CAPN15: variants seen among roughly 807,000 people sequenced by gnomAD.
The protein encoded by CAPN15 is calpain 15, also known as calpain-15.
Under a neutral mutation model 97.9 loss-of-function variants are expected in CAPN15, and 53 were observed. The observed-to-expected ratio is 0.54, with a 90% CI of 0.43 to 0.68. The LOEUF is 0.68. Among genes scored for constraint, CAPN15 ranks in the 30% least tolerant of loss-of-function variants. CAPN15 has a pLI of 0.00. For missense variants in CAPN15, 1,592 were observed against 1,589.8 expected, an observed-to-expected ratio of 1.00 and a Z score of -0.02; for synonymous variants, 922 against 722.5, an observed-to-expected ratio of 1.28 and a Z score of -4.43.
At chr16:529,563 C>T (rs543556759) in intron 1 of CAPN15, among the ~76,000 whole-genome samples, 6 of 152,206 alleles carry the variant, frequency 3.9e-5, no homozygotes, top group Non-Finnish European at 5.9e-5. Flanking sequence ...TTCTGCTGCC[C>T]GGAAAATCCT....
intron 9 of CAPN15, 133 bp from the exon 10 acceptor site, chr16:551,918 G>C (rs953066736): frequency 1.8e-6 from 2 of 1,104,724 alleles, no homozygotes; most frequent in Non-Finnish European, 2.7e-6. Flanking sequence ...GCCCCCGGGG[G>C]CCGGGCTGCA....
intron 3 of CAPN15, among the ~76,000 whole-genome samples, chr16:545,582 A>T (rs2034530017): frequency 6.6e-6 from 1 of 152,152 alleles, no homozygotes; most frequent in Non-Finnish European, 1.5e-5. Flanking sequence ...TGCCAGGATG[A>T]CTCCGAAAGG....
At chr16:542,951 T>C (rs780123829) in intron 3 of CAPN15, among the ~76,000 whole-genome samples, 1 of 152,004 alleles carries the variant, frequency 6.6e-6, no homozygotes, top group Non-Finnish European at 1.5e-5. Context: ...CTAGGGAGGC[T>C]GAAGCAGGAG....
rs374615185 is a variant in CAPN15, at chr16:548,868, C to T, written c.1450-125C>T. ...CCGGCGCCAGGTCTGTGGCTGTCCA[C>T]GCTCCACCCGTCCCTTTGGGGCTCA... On this transcript the variant is annotated intron_variant, in intron 4 of 13. Transcript: ENST00000219611. The T allele has an allele frequency of 3.8e-5, 34 of 891,560 alleles. No homozygotes were observed. The East Asian group carries it at 4.5e-4, about 12-fold the overall frequency. The allele number at this position is 891,560 out of a possible 1,614,324, so 55.2% of individuals were successfully genotyped here.
intron 3 of CAPN15, among the ~76,000 whole-genome samples, chr16:536,380 C>G (rs1420930097): frequency 3.3e-5 from 5 of 152,102 alleles, no homozygotes; most frequent in Non-Finnish European, 7.4e-5. Flanking sequence ...GAGTCTTCCT[C>G]CTAAATGCAG....
rs141861277 is a variant in CAPN15 at position 543,362 on chromosome 16, G to A, written c.-22-3455G>A. The A allele has an allele frequency of 6.6e-3, 1,016 of 154,194 alleles. 5 individuals are homozygous for A. Among genetic ancestry groups the A allele is most frequent in the Non-Finnish European group, 0.011 (739 of 68,238 alleles). The allele number at this position is 154,194 out of a possible 1,614,324, so 9.6% of individuals were successfully genotyped here. A position where few individuals can be genotyped will look rare whatever the true frequency, so the allele number is the denominator to read the frequency against. On this transcript the variant is annotated intron_variant, in intron 3 of 13. Transcript: ENST00000219611. The stretch of plus-strand genomic sequence containing the variant: ...CTGGCCTGGGACTACCGGGGGTGGC[G>A]GCCGTGGCTCTGGCTATGGGGAGGG...
At chr16:533,508 G>T (rs1476184599) in intron 1 of CAPN15, among the ~76,000 whole-genome samples, 2 of 152,188 alleles carry the variant, frequency 1.3e-5, no homozygotes, top group East Asian at 3.9e-4. Flanking sequence ...GCCCAAGCTG[G>T]GCACCTTTCC....
intron 9 of CAPN15, 150 bp from the exon 10 acceptor site, chr16:551,901 G>T: frequency 2.0e-6 from 2 of 1,016,816 alleles, no homozygotes. Flanking sequence ...ATAGGCCTCA[G>T]GGATGGGCCC....
intron 3 of CAPN15, among the ~76,000 whole-genome samples, chr16:543,764 C>T (rs996419858): frequency 2.0e-5 from 3 of 152,324 alleles, no homozygotes; most frequent in East Asian, 3.9e-4. Context: ...CGACCCCTGC[C>T]GTGCTCCGAC....
intron 3 of CAPN15, chr16:543,516 C>G (rs2034303577): frequency 1.3e-5 from 2 of 152,776 alleles, no homozygotes; most frequent in Non-Finnish European, 2.9e-5. Flanking sequence ...TCTCTTTCAC[C>G]CTGGCCTCCT....
chr16:542,431 C>T (rs1041539818), intron 3 of CAPN15, among the ~76,000 whole-genome samples: 2 of 152,092 alleles, frequency 1.3e-5, no homozygotes, highest in African/African-American at 2.4e-5. Flanking sequence ...TCCACTCCCT[C>T]GACAGCTCCT....
intron 4 of CAPN15, 102 bp from the exon 5 acceptor site, chr16:548,891 T>C: frequency 2.8e-6 from 3 of 1,070,022 alleles, no homozygotes; most frequent in Non-Finnish European, 4.3e-6. Flanking sequence ...CCTTTGGGGC[T>C]CAGGCAGTGC....
At chr16:540,864 A>G (rs2034063988) in intron 3 of CAPN15, among the ~76,000 whole-genome samples, 1 of 152,112 alleles carries the variant, frequency 6.6e-6, no homozygotes, top group Non-Finnish European at 1.5e-5. Context: ...AGCTGCCATC[A>G]GGTTCTGAGG....
chr16:554,522 T>C lies in CAPN15; in HGVS notation c.*1006T>C. 1 of 456,192 alleles carries C rather than the reference T, an allele frequency of 2.2e-6. No homozygotes were observed. The highest frequency in any genetic ancestry group is 1.5e-5 in the South Asian group (1 of 64,568). 28.3% of individuals were successfully genotyped at this position (456,192 alleles called of 1,614,324 possible). ...TAACCCTGTAAATACGGCCAGCTCTTGTGACACAGAGACTATTTTATCAAT... is the reference window on the plus strand; with the variant it reads ...TAACCCTGTAAATACGGCCAGCTCTCGTGACACAGAGACTATTTTATCAAT... On this transcript the variant is annotated 3_prime_UTR_variant, in exon 14 of 14. Coordinates refer to ENST00000219611, the MANE Select transcript of CAPN15 (RefSeq NM_005632.3).
chr16:554,245 C>T lies in CAPN15; in HGVS notation c.*729C>T. 1 of 333,240 alleles carries T rather than the reference C, an allele frequency of 3.0e-6. No homozygotes were observed. The highest frequency in any genetic ancestry group is 3.9e-5 in the Admixed American group (1 of 25,722). 20.6% of individuals were successfully genotyped at this position (333,240 alleles called of 1,614,324 possible). On this transcript the variant is annotated 3_prime_UTR_variant, in exon 14 of 14. Coordinates refer to ENST00000219611, the MANE Select transcript of CAPN15 (RefSeq NM_005632.3). ...AACCCTGTCCCTCGGCCCGGCCCTG[C>T]CAGAGAGGGACCCCAGCACATCGTG... is the stretch of plus-strand genomic sequence containing the variant.
At position 547,590 on chromosome 16, in the gene CAPN15, T is replaced by G; in HGVS notation, c.752T>G (p.Val251Gly). The change falls in exon 4 of 14, where the codon GTT (valine) becomes GGT (glycine). Residue 251 changes from valine to glycine, a missense_variant. Val to Gly is a moderately radical substitution (Grantham distance 109). Around this residue, in one of 3 missense-constraint regions of CAPN15, gnomAD observed 883 missense variants for 776.6 expected, o/e 1.14. Transcript: ENST00000219611. Reference sequence around the variant, plus strand: ...CCCGTGCCGCGCAGCCGACGCGAGGTTCCCCCCCAGCTGCAGCCACCGGTG... The same window carrying G: ...CCCGTGCCGCGCAGCCGACGCGAGGGTCCCCCCCAGCTGCAGCCACCGGTG... ...NNPVPRSRRE[V>G]PPQLQPPVPE... 1 of 1,577,242 alleles carries G rather than the reference T, an allele frequency of 6.3e-7. No individual in the cohort carries two copies. The highest frequency in any genetic ancestry group is 8.6e-7 in the Non-Finnish European group (1 of 1,163,752).
Position 547,051 on chromosome 16 carries a change from G to C in CAPN15, c.213G>C (p.Pro71=). Residue 71 remains proline (P), a synonymous_variant, in exon 4 of 14, where the codon CCG becomes CCC. Coordinates refer to ENST00000219611, the MANE Select transcript of CAPN15 (RefSeq NM_005632.3). Reference sequence around the variant, plus strand: ...CCTGCGAGGTGTGCGGCTTCACCCCGGAGCCTGCGCCTGGGGCTGCCTTCC... The same window carrying C: ...CCTGCGAGGTGTGCGGCTTCACCCCCGAGCCTGCGCCTGGGGCTGCCTTCC... ...KEACEVCGFT[P]EPAPGAAFLP... The C allele has an allele frequency of 6.2e-7, 1 of 1,606,110 alleles. No homozygotes were observed.
At chr16:536,439 T>TG (rs1359823239) in intron 3 of CAPN15, among the ~76,000 whole-genome samples, 1 of 151,764 alleles carries the variant, frequency 6.6e-6, no homozygotes, top group African/African-American at 2.4e-5. Flanking sequence ...TTTTTTTTTT[T>TG]TGAGACGGAG....
At position 534,276 on chromosome 16, in the gene CAPN15, G is replaced by A. The variant is rs528094734; in HGVS notation, c.-137+278G>A. ...GGGACCTCCCCTGTGCTGTGGCCCC[G>A]GCCCCCAGATGGAGCTCCCCATCCC... On this transcript the variant is annotated intron_variant, in intron 2 of 13. Coordinates refer to ENST00000219611, the MANE Select transcript of CAPN15 (RefSeq NM_005632.3). Among the ~76,000 whole-genome samples, 44 of 152,380 alleles carry A rather than the reference G, an allele frequency of 2.9e-4. 1 individual carries two copies. Among genetic ancestry groups the A allele is most frequent in the African/African-American group, 6.7e-4 (28 of 41,596 alleles).
Sources: allele counts gnomAD v4.1 joint callset (sites outside exome capture counted in the v4.1 genomes callset), GRCh38; gene constraint gnomAD v4.1.1; regional missense constraint gnomAD v4.1.1; transcripts MANE v1.5; gene names NCBI Gene and HGNC (gene_info 2026-07-23, HGNC 2026-07-21).